UBE2QL1: variants seen among roughly 807,000 people sequenced by gnomAD.
The protein encoded by UBE2QL1 is ubiquitin-conjugating enzyme E2Q-like protein 1.
A neutral mutation model predicts 12.6 loss-of-function variants in UBE2QL1; 5 were observed. The observed-to-expected ratio is 0.40, with a 90% CI of 0.21 to 0.83. The LOEUF (loss-of-function observed/expected upper bound fraction) is 0.83, where lower values mean the gene tolerates loss of function less well. UBE2QL1 is among the 40% of genes least tolerant of loss of function. The pLI is 0.37. For synonymous variants in UBE2QL1, 96 were observed against 94.5 expected, an observed-to-expected ratio of 1.02 and a Z score of -0.10; for missense variants, 99 against 222.6, an observed-to-expected ratio of 0.44 and a Z score of 3.53.
rs956287783 is a variant in UBE2QL1 at position 6,492,519 on chromosome 5, G to A, written c.*1170G>A. 5 of 152,158 alleles carry A rather than the reference G, an allele frequency of 3.3e-5. No homozygotes were observed. Among genetic ancestry groups the A allele is most frequent in the African/African-American group, 1.2e-4 (5 of 41,432 alleles). 9.4% of individuals were successfully genotyped at this position (152,158 alleles called of 1,614,324 possible). ...GGAAATACTGTTTCTAATAATATGA[G>A]GAAAGAAGTAAAAATGTTCATTCCA... is the stretch of plus-strand genomic sequence containing the variant. On this transcript the variant is annotated 3_prime_UTR_variant, in exon 2 of 2. Coordinates refer to ENST00000399816, the MANE Select transcript of UBE2QL1 (RefSeq NM_001145161.3).
chr5:6,483,294 C>T (rs1420275915), intron 1 of UBE2QL1, among the ~76,000 whole-genome samples: 1 of 152,092 alleles, frequency 6.6e-6, no homozygotes, highest in Non-Finnish European at 1.5e-5. Flanking sequence ...AAAAAATTAA[C>T]AGGGCGTGGT....
rs368747406 is a variant in UBE2QL1, at chr5:6,458,582, CAG to C, written c.354+9337_354+9338del. On this transcript the variant is annotated intron_variant, in intron 1 of 1. Transcript: ENST00000399816. The stretch of plus-strand genomic sequence containing the variant: ...ATGTATTAGGGTGATTACTTAGTGT[CAG>C]ATTGGGTGCCCATATTGCTTCCCGT... 4.1e-3 allele frequency among the ~76,000 whole-genome samples: 628 copies of C among 152,278 alleles called. 5 individuals are homozygous for C. The highest frequency in any genetic ancestry group is 0.015 in the African/African-American group (605 of 41,564).
At chr5:6,461,540 A>ACCCCCCCCCCCCCCCCCCC (rs71606052) in intron 1 of UBE2QL1, among the ~76,000 whole-genome samples, 8 of 46,772 alleles carry the variant, frequency 1.7e-4, no homozygotes, top group South Asian at 8.5e-4. Context: ...TTCAGCACCC[A>ACCCCCCCCCCCCCCCCCCC]CCACCCCCCC....
intron 1 of UBE2QL1, 124 bp downstream of exon 1, chr5:6,449,371 A>AGAT: frequency 1.1e-6 from 1 of 939,984 alleles, no homozygotes; most frequent in Non-Finnish European, 1.4e-6. Context: ...CCCTGCTCTG[A>AGAT]CTACACCAGC....
intron 1 of UBE2QL1, among the ~76,000 whole-genome samples, chr5:6,472,563 G>A (rs965193489): frequency 3.9e-5 from 6 of 152,132 alleles, no homozygotes; most frequent in Non-Finnish European, 7.4e-5. Context: ...ATACTTGTCA[G>A]CCATTCAGGT....
At chr5:6,464,439 C>T (rs1466648987) in intron 1 of UBE2QL1, among the ~76,000 whole-genome samples, 5 of 152,172 alleles carry the variant, frequency 3.3e-5, no homozygotes, top group Non-Finnish European at 1.5e-5. Flanking sequence ...TAGCACATAC[C>T]TTGTGGTTTT....
At chr5:6,484,062 C>T (rs1452591519) in intron 1 of UBE2QL1, among the ~76,000 whole-genome samples, 2 of 152,172 alleles carry the variant, frequency 1.3e-5, no homozygotes, top group Admixed American at 1.3e-4. Context: ...CCATTCAACA[C>T]ATTTTTTAGC....
rs182846365 is a variant in UBE2QL1, at chr5:6,485,594, C to T, written c.355-5624C>T. ...ACCCATGTCAGGGAGCTTAAGGTTA[C>T]GAGTGCTTTTAGACTGACAATTACT... On this transcript the variant is annotated intron_variant, in intron 1 of 1. Coordinates refer to ENST00000399816, the MANE Select transcript of UBE2QL1 (RefSeq NM_001145161.3). 1.8e-3 allele frequency among the ~76,000 whole-genome samples: 271 copies of T among 152,242 alleles called. 1 individual carries two copies. The highest frequency in any genetic ancestry group is 2.2e-3 in the Non-Finnish European group (149 of 68,032).
intron 1 of UBE2QL1, among the ~76,000 whole-genome samples, chr5:6,474,248 T>C (rs1191880147): frequency 6.6e-6 from 1 of 152,210 alleles, no homozygotes; most frequent in Non-Finnish European, 1.5e-5. Context: ...ATGTGGATCT[T>C]CCAGCATGGA....
At chr5:6,457,025 GC>G (rs543643288) in intron 1 of UBE2QL1, among the ~76,000 whole-genome samples, 22 of 151,634 alleles carry the variant, frequency 1.5e-4, no homozygotes, top group African/African-American at 5.1e-4. Flanking sequence ...TTCCTGCAGT[GC>G]CCCCATCCAG....
intron 1 of UBE2QL1, among the ~76,000 whole-genome samples, chr5:6,450,038 A>G (rs1487877597): frequency 6.6e-6 from 1 of 151,514 alleles, no homozygotes; most frequent in Non-Finnish European, 1.5e-5. Flanking sequence ...AACTCACTCT[A>G]GAGAGGCGGC....
intron 1 of UBE2QL1, among the ~76,000 whole-genome samples, chr5:6,488,316 GC>G (rs1043078152): frequency 6.6e-6 from 1 of 152,162 alleles, no homozygotes; most frequent in East Asian, 1.9e-4. Flanking sequence ...GTGGGTTCAT[GC>G]CAAAAACCAC....
intron 1 of UBE2QL1, among the ~76,000 whole-genome samples, chr5:6,457,162 C>A (rs910171204): frequency 6.6e-6 from 1 of 151,974 alleles, no homozygotes; most frequent in African/African-American, 2.4e-5. Context: ...CACTGTACAG[C>A]CATGATGGCA....
At chr5:6,459,798 C>T (rs824625) in intron 1 of UBE2QL1, among the ~76,000 whole-genome samples, 46,092 of 151,894 alleles carry the variant, frequency 0.3, 7,851 homozygotes, top group East Asian at 0.52. Flanking sequence ...AAAACATTTG[C>T]CTATTGGTGA....
chr5:6,449,080 C>T lies in UBE2QL1; in HGVS notation c.187C>T (p.Pro63Ser). The change falls in exon 1 of 2, where the codon CCC (proline) becomes TCC (serine). Residue 63 changes from proline to serine, a missense_variant. Physicochemically the swap from Pro to Ser is moderately conservative, Grantham distance 74. Coordinates refer to ENST00000399816, the MANE Select transcript of UBE2QL1 (RefSeq NM_001145161.3). ...LLNLTFPDNF[P>S]FSPPFMRVLS... Reference sequence around the variant, plus strand: ...CAACCTCACCTTCCCCGACAACTTCCCCTTCTCGCCGCCCTTCATGCGGGT... The same window carrying T: ...CAACCTCACCTTCCCCGACAACTTCTCCTTCTCGCCGCCCTTCATGCGGGT... 1 of 1,548,308 alleles carries T rather than the reference C, an allele frequency of 6.5e-7. No individual in the cohort carries two copies. Among genetic ancestry groups the T allele is most frequent in the Admixed American group, 2.0e-5 (1 of 50,324 alleles).
intron 1 of UBE2QL1, among the ~76,000 whole-genome samples, chr5:6,487,552 A>T (rs12109184): frequency 0.29 from 44,151 of 152,172 alleles, 11,281 homozygotes; most frequent in African/African-American, 0.69. Flanking sequence ...TAACATTAAG[A>T]ACAAGTAGAG....
intron 1 of UBE2QL1, among the ~76,000 whole-genome samples, chr5:6,453,709 GCA>G (rs3073837): frequency 0.58 from 87,510 of 150,338 alleles, 25,414 homozygotes; most frequent in African/African-American, 0.63. Context: ...ACACACATGT[GCA>G]CACACACACA....
In UBE2QL1 at chr5:6,491,201, C is replaced by T. The variant is rs1220454504; in HGVS notation, c.355-17C>T. The T allele has an allele frequency of 3.3e-6, 5 of 1,522,946 alleles. No homozygotes were observed. The Admixed American group carries it at 1.1e-4, about 35-fold the overall frequency. The allele number at this position is 1,522,946 out of a possible 1,614,324, so 94.3% of individuals were successfully genotyped here. Reference sequence around the variant, plus strand: ...CCAGTGACGTTCTAACCTGGTTTTTCTTCTCATCTCACGCAGGGACGGATC... The same window carrying T: ...CCAGTGACGTTCTAACCTGGTTTTTTTTCTCATCTCACGCAGGGACGGATC... On this transcript the variant is annotated splice_polypyrimidine_tract_variant and intron_variant, in intron 1 of 1. Transcript: ENST00000399816.
At chr5:6,468,873 G>A (rs772806719) in intron 1 of UBE2QL1, among the ~76,000 whole-genome samples, 14 of 152,192 alleles carry the variant, frequency 9.2e-5, no homozygotes, top group East Asian at 1.9e-4. Context: ...TCCATCATGT[G>A]CACTTTACGT....
Sources: gnomAD v4.1 joint callset for allele counts (sites outside exome capture counted in the v4.1 genomes callset) on GRCh38, gnomAD v4.1.1 for gene constraint, MANE v1.5 for transcripts, NCBI Gene and HGNC (gene_info 2026-07-23, HGNC 2026-07-21) for gene names.